PSPC1: variants seen among roughly 807,000 people sequenced by gnomAD.
PSPC1 encodes the protein paraspeckle component 1.
In PSPC1, 14 loss-of-function variants were observed where a neutral mutation model predicts 51.6. The observed-to-expected ratio is 0.27, with a 90% CI of 0.18 to 0.42. The LOEUF (loss-of-function observed/expected upper bound fraction) is 0.42. Among genes scored for constraint, PSPC1 ranks in the 10% least tolerant of loss-of-function variants. The pLI is 1.00. For missense variants in PSPC1, 406 were observed against 701.1 expected (o/e 0.58, Z 4.75); for synonymous variants, 193 against 231.9 (o/e 0.83, Z 1.53).
chr13:19,732,954 A>T (rs990777269), intron 5 of PSPC1, among the ~76,000 whole-genome samples: 2 of 151,938 alleles, frequency 1.3e-5, no homozygotes, highest in African/African-American at 4.8e-5. Context: ...AAAAAGAAAA[A>T]AAAAACACCA....
At chr13:19,768,396 C>T (rs1488612074) in intron 2 of PSPC1, among the ~76,000 whole-genome samples, 1 of 151,778 alleles carries the variant, frequency 6.6e-6, no homozygotes, top group Non-Finnish European at 1.5e-5. Context: ...GCCTGTAATC[C>T]CAGCACTTTG....
At chr13:19,753,044 A>G (rs1383456046) in intron 3 of PSPC1, among the ~76,000 whole-genome samples, 1 of 151,082 alleles carries the variant, frequency 6.6e-6, no homozygotes, top group Non-Finnish European at 1.5e-5. Context: ...GCCCTTTGGG[A>G]GGCTGAGACA....
intron 7 of PSPC1, among the ~76,000 whole-genome samples, chr13:19,677,564 A>C (rs1232961453): frequency 1.3e-5 from 2 of 152,218 alleles, no homozygotes; most frequent in African/African-American, 4.8e-5. Flanking sequence ...CTTCACCTAT[A>C]AACTGTTCAT....
intron 3 of PSPC1, among the ~76,000 whole-genome samples, chr13:19,752,176 A>C (rs1886623418): frequency 6.6e-6 from 1 of 152,190 alleles, no homozygotes; most frequent in Non-Finnish European, 1.5e-5. Context: ...TGTGCCAATT[A>C]ATTGGGTAGG....
At chr13:19,758,897 ATAT>A (rs1887349219) in intron 3 of PSPC1, among the ~76,000 whole-genome samples, 1 of 152,114 alleles carries the variant, frequency 6.6e-6, no homozygotes, top group Non-Finnish European at 1.5e-5. Context: ...TCTGGCATGA[ATAT>A]TATTGACAGT....
At chr13:19,748,611 T>C (rs1027950276) in intron 4 of PSPC1, among the ~76,000 whole-genome samples, 18 of 152,118 alleles carry the variant, frequency 1.2e-4, no homozygotes, top group African/African-American at 4.1e-4. Context: ...ACCTCAGACA[T>C]GTCTCCCATA....
chr13:19,702,341 G>T (rs1200127202), downstream of PSPC1, among the ~76,000 whole-genome samples: 4 of 152,202 alleles, frequency 2.6e-5, no homozygotes, highest in East Asian at 3.9e-4. Flanking sequence ...TCACTTCACA[G>T]CCAACCCAAC....
At chr13:19,758,692 G>A (rs774603143) in intron 3 of PSPC1, among the ~76,000 whole-genome samples, 10 of 151,708 alleles carry the variant, frequency 6.6e-5, no homozygotes, top group Non-Finnish European at 1.3e-4. Flanking sequence ...AAAATTAGTC[G>A]GGCGTGGTGG....
chr13:19,698,693 C>T (rs973443267), downstream of PSPC1, among the ~76,000 whole-genome samples: 3 of 151,784 alleles, frequency 2.0e-5, no homozygotes, highest in African/African-American at 4.8e-5. Flanking sequence ...GAGAAAGGCA[C>T]ATTTAAAAAG....
At chr13:19,691,989 G>C (rs1368286984) in intron 6 of PSPC1, among the ~76,000 whole-genome samples, 1 of 152,122 alleles carries the variant, frequency 6.6e-6, no homozygotes, top group Non-Finnish European at 1.5e-5. Context: ...CAAGCGGGGA[G>C]GGATGGAGGT....
chr13:19,748,079 G>A (rs532911627), intron 4 of PSPC1, among the ~76,000 whole-genome samples: 44 of 152,092 alleles, frequency 2.9e-4, no homozygotes, highest in Admixed American at 9.2e-4. Flanking sequence ...TGGGCGTGGT[G>A]GTGTACACCT....
chr13:19,680,864 TAGTC>T (rs1877192601), intron 6 of PSPC1, among the ~76,000 whole-genome samples: 1 of 152,172 alleles, frequency 6.6e-6, no homozygotes, highest in Non-Finnish European at 1.5e-5. Context: ...ATTTTTCACA[TAGTC>T]AGAAATGTAA....
intron 1 of PSPC1, among the ~76,000 whole-genome samples, chr13:19,781,842 G>A (rs1348916473): frequency 1.3e-5 from 2 of 152,194 alleles, no homozygotes; most frequent in African/African-American, 4.8e-5. Context: ...TATAGGTGTG[G>A]TTGAAGCCAA....
At chr13:19,747,085 G>T (rs879705412) in intron 4 of PSPC1, among the ~76,000 whole-genome samples, 4 of 152,180 alleles carry the variant, frequency 2.6e-5, no homozygotes, top group Non-Finnish European at 5.9e-5. Context: ...TCCAGCCTGG[G>T]CAACAAGAGT....
At chr13:19,776,829 C>A (rs1889185888) in intron 1 of PSPC1, among the ~76,000 whole-genome samples, 1 of 147,336 alleles carries the variant, frequency 6.8e-6, no homozygotes, top group African/African-American at 2.5e-5. Flanking sequence ...ATTTTTAAAA[C>A]CCTAAAAAAT....
chr13:19,772,463 G>A lies in PSPC1; in HGVS notation c.453C>T (p.Phe151=), dbSNP rs745772378. 2.3e-5 allele frequency: 37 copies of A among 1,614,130 alleles called. No individual in the cohort carries two copies. The East Asian group carries it at 6.9e-4, about 30-fold the overall frequency. The part of the protein sequence containing the change: ...ILKSRPLRIR[F]ATHGAALTVK... The stretch of plus-strand genomic sequence containing the variant: ...CAGTCAAGGCTGCTCCATGTGTAGC[G>A]AAGCGAATCCGTAGAGGTCTGCTCT... Residue 151 remains phenylalanine (F), a synonymous_variant, in exon 2 of 9, where the codon TTC becomes TTT. Transcript: ENST00000338910.
At chr13:19,757,619 T>C (rs752200178) in intron 3 of PSPC1, among the ~76,000 whole-genome samples, 3 of 152,090 alleles carry the variant, frequency 2.0e-5, no homozygotes, top group Non-Finnish European at 4.4e-5. Context: ...ACCGAGTAAA[T>C]GACTTGTAAC....
intron 7 of PSPC1, chr13:19,677,688 G>GATCCTT: frequency 2.4e-6 from 1 of 425,160 alleles, no homozygotes; most frequent in Admixed American, 3.1e-5. Context: ...AATACTCAAG[G>GATCCTT]ATCTGTTAGA....
chr13:19,775,193 A>G (rs1354344367), intron 1 of PSPC1, among the ~76,000 whole-genome samples: 1 of 151,910 alleles, frequency 6.6e-6, no homozygotes, highest in Non-Finnish European at 1.5e-5. Context: ...AAAAAAAAAC[A>G]AAAACAAAAA....
Sources: gnomAD v4.1 joint callset for allele counts (sites outside exome capture counted in the v4.1 genomes callset) on GRCh38, gnomAD v4.1.1 for gene constraint, MANE v1.5 for transcripts, NCBI Gene and HGNC (gene_info 2026-07-23, HGNC 2026-07-21) for gene names.